Variants in MEI4 observed in about 807,000 individuals in gnomAD.
MEI4 encodes meiotic double-stranded break formation protein 4.
Under a neutral mutation model 31.4 loss-of-function variants are expected in MEI4, and 27 were observed. That is an observed-to-expected ratio of 0.86 (90% CI 0.63 to 1.19). The LOEUF (loss-of-function observed/expected upper bound fraction) is 1.19. Ranked by LOEUF, MEI4 falls within the 50% of genes most tolerant of loss-of-function variation. The pLI is 0.00. For synonymous variants in MEI4, 122 were observed against 145.4 expected, an observed-to-expected ratio of 0.84 and a Z score of 1.16; for missense variants, 329 against 398.9, an observed-to-expected ratio of 0.82 and a Z score of 1.49.
chr6:77,731,107 T>C (rs969000991), intron 2 of MEI4, among the ~76,000 whole-genome samples: 4 of 151,978 alleles, frequency 2.6e-5, no homozygotes, highest in Admixed American at 6.5e-5. Flanking sequence ...TGTGTCTTTA[T>C]AGCAGCATGA....
At position 77,783,597 on chromosome 6, in the gene MEI4, GT is replaced by G. The variant is rs574120881; in HGVS notation, c.768+21937del. 4.5e-4 allele frequency among the ~76,000 whole-genome samples: 69 copies of G among 152,100 alleles called. 2 individuals carry two copies. The South Asian group carries it at 0.014, about 30-fold the overall frequency. ...GTTTTAATTTGTGTTGTGGAAGCAAGTTTTTCTAAAATATAAGATCAATTTT... is the reference window on the plus strand; with the variant it reads ...GTTTTAATTTGTGTTGTGGAAGCAAGTTTTCTAAAATATAAGATCAATTTT... On this transcript the variant is annotated intron_variant, in intron 3 of 4. Transcript: ENST00000684080.
chr6:77,802,078 T>C (rs1267362637), intron 3 of MEI4, among the ~76,000 whole-genome samples: 1 of 152,166 alleles, frequency 6.6e-6, no homozygotes, highest in Admixed American at 6.5e-5. Context: ...GTTGTTAAAG[T>C]CTCCCATTAT....
chr6:77,753,193 C>G (rs1426875023), intron 2 of MEI4, among the ~76,000 whole-genome samples: 14 of 152,100 alleles, frequency 9.2e-5, no homozygotes, highest in Non-Finnish European at 1.0e-4. Flanking sequence ...TAGGCATGGG[C>G]AAAGACTTCA....
At chr6:77,794,359 C>T (rs9359288) in intron 3 of MEI4, among the ~76,000 whole-genome samples, 24,022 of 152,016 alleles carry the variant, frequency 0.16, 2,287 homozygotes, top group East Asian at 0.39. Flanking sequence ...GTCAGGAGAT[C>T]GAGACCATCC....
chr6:77,660,604 G>A (rs148784838), intron 1 of MEI4, among the ~76,000 whole-genome samples: 1,585 of 152,118 alleles, frequency 0.01, 29 homozygotes, highest in African/African-American at 0.035. Flanking sequence ...AAGCCCTGTC[G>A]CAAAAGTAGG....
chr6:77,695,994 G>A (rs1766025979), intron 2 of MEI4, among the ~76,000 whole-genome samples: 1 of 152,022 alleles, frequency 6.6e-6, no homozygotes, highest in African/African-American at 2.4e-5. Flanking sequence ...CTTGTAATTT[G>A]GATTCCTAGG....
At position 77,716,470 on chromosome 6, in the gene MEI4, G is replaced by A. The variant is rs570955568; in HGVS notation, c.232+25567G>A. Reference sequence around the variant, plus strand: ...ATTGAGGTATTGTCAGCAGATGAGTGACACAATAAGATTTGCAATTGAAAA... The same window carrying A: ...ATTGAGGTATTGTCAGCAGATGAGTAACACAATAAGATTTGCAATTGAAAA... On this transcript the variant is annotated intron_variant, in intron 2 of 4. Coordinates refer to ENST00000684080, the MANE Select transcript of MEI4 (RefSeq NM_001322247.2). 4.0e-4 allele frequency among the ~76,000 whole-genome samples: 61 copies of A among 152,180 alleles called. 1 individual carries two copies. In the South Asian group the frequency reaches 0.012, roughly 31 times the overall value.
chr6:77,742,691 T>G (rs148403453), intron 2 of MEI4, among the ~76,000 whole-genome samples: 10,245 of 152,260 alleles, frequency 0.067, 437 homozygotes, highest in Non-Finnish European at 0.095. Context: ...CTGAAGTCCT[T>G]GCCCATGCCT....
chr6:77,732,651 C>T lies in MEI4; in HGVS notation c.233-28479C>T, dbSNP rs189022825. Among the ~76,000 whole-genome samples the T allele has an allele frequency of 1.4e-3, 212 of 152,176 alleles. 4 individuals carry two copies. Among genetic ancestry groups the T allele is most frequent in the African/African-American group, 4.5e-3 (186 of 41,452 alleles). On this transcript the variant is annotated intron_variant, in intron 2 of 4. Coordinates refer to ENST00000684080, the MANE Select transcript of MEI4 (RefSeq NM_001322247.2). ...TCCTGCCTAATTGCCCTGGCCAAGA[C>T]TTCCAACACTATGTTGAATAGGAGT...
chr6:77,788,739 C>G lies in MEI4; in HGVS notation c.768+27074C>G, dbSNP rs575591605. Among the ~76,000 whole-genome samples, 1,279 of 152,128 alleles carry G rather than the reference C, an allele frequency of 8.4e-3. 7 individuals carry two copies. The highest frequency in any genetic ancestry group is 0.013 in the Non-Finnish European group (858 of 68,010). The stretch of plus-strand genomic sequence containing the variant: ...TCAAGGAGAACTACAAACCACTGCT[C>G]AATGAAATAAAAGAGGATACAAAGA... On this transcript the variant is annotated intron_variant, in intron 3 of 4. Coordinates refer to ENST00000684080, the MANE Select transcript of MEI4 (RefSeq NM_001322247.2).
intron 4 of MEI4, among the ~76,000 whole-genome samples, chr6:77,870,021 A>G (rs1425233828): frequency 6.6e-6 from 1 of 152,124 alleles, no homozygotes; most frequent in Non-Finnish European, 1.5e-5. Flanking sequence ...ACTGTCTTAT[A>G]GGGAGGCTTC....
chr6:77,666,882 T>TGTGC (rs1554208067), intron 1 of MEI4, among the ~76,000 whole-genome samples: 19 of 134,002 alleles, frequency 1.4e-4, no homozygotes, highest in African/African-American at 3.5e-4. Flanking sequence ...TGTGTGTGTG[T>TGTGC]GCGTGCGTGC....
intron 4 of MEI4, among the ~76,000 whole-genome samples, chr6:77,899,705 T>C (rs1444065295): frequency 1.3e-5 from 2 of 152,142 alleles, no homozygotes; most frequent in Admixed American, 6.6e-5. Flanking sequence ...CAGCCATCAC[T>C]TCATCCATGT....
chr6:77,788,626 C>G (rs553056465), intron 3 of MEI4, among the ~76,000 whole-genome samples: 2 of 151,938 alleles, frequency 1.3e-5, no homozygotes, highest in South Asian at 4.2e-4. Flanking sequence ...AACAGAGAGC[C>G]GAATCATGAG....
intron 1 of MEI4, among the ~76,000 whole-genome samples, chr6:77,657,600 A>ATTT (rs5877563): frequency 6.7e-6 from 1 of 148,512 alleles, no homozygotes; most frequent in African/African-American, 2.5e-5. Context: ...CACCACTTGG[A>ATTT]TTTTTTTTTT....
intron 1 of MEI4, among the ~76,000 whole-genome samples, chr6:77,665,552 G>A (rs747235145): frequency 1.2e-4 from 18 of 152,286 alleles, no homozygotes; most frequent in South Asian, 2.1e-4. Flanking sequence ...CCAGAAGAGC[G>A]GGATTTGCTG....
At chr6:77,667,821 G>T (rs1481645946) in intron 1 of MEI4, among the ~76,000 whole-genome samples, 1 of 152,076 alleles carries the variant, frequency 6.6e-6, no homozygotes, top group Admixed American at 6.6e-5. Context: ...AATCATGAGA[G>T]CAAGTGGTTT....
At chr6:77,819,629 T>C (rs1769769292) in intron 3 of MEI4, among the ~76,000 whole-genome samples, 1 of 152,212 alleles carries the variant, frequency 6.6e-6, no homozygotes, top group African/African-American at 2.4e-5. Flanking sequence ...AACATTAATC[T>C]ATGATGTAGA....
intron 3 of MEI4, among the ~76,000 whole-genome samples, chr6:77,799,189 CTGGTGTGAGA>C (rs1400179638): frequency 6.6e-6 from 1 of 152,056 alleles, no homozygotes; most frequent in African/African-American, 2.4e-5. Context: ...GCCATTCTAA[CTGGTGTGAGA>C]TGGTATCTCA....
Sources: gnomAD v4.1 joint callset for allele counts (sites outside exome capture counted in the v4.1 genomes callset) on GRCh38, gnomAD v4.1.1 for gene constraint, MANE v1.5 for transcripts, NCBI Gene and HGNC (gene_info 2026-07-23, HGNC 2026-07-21) for gene names.